Variants in KALRN observed in about 807,000 individuals in gnomAD.
The protein encoded by KALRN is kalirin RhoGEF kinase.
Under a neutral mutation model 353.7 loss-of-function variants are expected in KALRN, and 70 were observed. That is an observed-to-expected ratio of 0.20 (90% CI 0.16 to 0.24). The LOEUF is 0.24. KALRN is among the 10% of genes least tolerant of loss of function. KALRN has a pLI of 1.00. For missense variants in KALRN, 2,791 were observed against 3,756.7 expected (o/e 0.74, Z 6.72); for synonymous variants, 1,391 against 1,434.8 (o/e 0.97, Z 0.69).
At chr3:124,532,761 A>G (rs530317061) in intron 33 of KALRN, among the ~76,000 whole-genome samples, 2 of 152,238 alleles carry the variant, frequency 1.3e-5, no homozygotes, top group South Asian at 2.1e-4. Flanking sequence ...AGATCCCACC[A>G]CTGCACTCCA....
chr3:124,651,944 T>A (rs333307), intron 38 of KALRN, among the ~76,000 whole-genome samples: 30,972 of 152,128 alleles, frequency 0.2, 3,315 homozygotes, highest in Middle Eastern at 0.31. Context: ...GGCCAACTTT[T>A]GTTTTCTTGT....
chr3:124,621,048 T>C (rs1451131356), intron 34 of KALRN, among the ~76,000 whole-genome samples: 1 of 152,228 alleles, frequency 6.6e-6, no homozygotes, highest in Non-Finnish European at 1.5e-5. Flanking sequence ...TGCTGACTTT[T>C]GAGTCTTTGG....
rs922194622 is a variant in KALRN, at chr3:124,312,084, G to C, written c.1092+13171G>C. ...TGTTCTAAAATTGATTGTGATGTTG[G>C]TTGTACATATCTATATACTAAATAC... is the stretch of plus-strand genomic sequence containing the variant. On this transcript the variant is annotated intron_variant, in intron 6 of 59. Transcript: ENST00000682506. Among the ~76,000 whole-genome samples the C allele has an allele frequency of 5.9e-5, 9 of 152,142 alleles. No individual in the cohort carries two copies. The East Asian group carries it at 9.6e-4, about 16-fold the overall frequency.
intron 34 of KALRN, among the ~76,000 whole-genome samples, chr3:124,600,261 A>G (rs1255528052): frequency 1.3e-5 from 2 of 152,230 alleles, no homozygotes; most frequent in Non-Finnish European, 2.9e-5. Context: ...TAACATACCA[A>G]TGGCATAACT....
At chr3:124,250,578 A>C (rs4678100) in intron 3 of KALRN, among the ~76,000 whole-genome samples, 10,611 of 152,284 alleles carry the variant, frequency 0.07, 400 homozygotes, top group Middle Eastern at 0.095. Flanking sequence ...TAGACAGGTC[A>C]CAGTCTTTGT....
rs1466357585 is a variant in KALRN at position 124,719,029 on chromosome 3, G to C, written c.8520G>C (p.Leu2840=). The C allele has an allele frequency of 6.2e-7, 1 of 1,614,164 alleles. No individual in the cohort carries two copies. Among genetic ancestry groups the C allele is most frequent in the East Asian group, 2.2e-5 (1 of 44,876 alleles). The change falls in exon 60 of 60, where the codon CTG becomes CTC. Residue 2840 remains leucine (L), a synonymous_variant. Coordinates refer to ENST00000682506, the MANE Select transcript of KALRN (RefSeq NM_001388419.1). This position sits in a 1 kb window ranked among gnomAD's most constrained non-coding sequence, Gnocchi z 5.3. ...CGGGTCACTTCCACATTCACCACCT[G>C]CTGGGGAACCCTGAGTTTGCTGCCC... ...QISGHFHIHH[L]LGNPEFAAPE...
At chr3:124,509,614 C>T (rs2065649303) in intron 33 of KALRN, among the ~76,000 whole-genome samples, 1 of 152,150 alleles carries the variant, frequency 6.6e-6, no homozygotes, top group Non-Finnish European at 1.5e-5. Context: ...CTTAAGTATG[C>T]CTCTATTTTA....
intron 5 of KALRN, among the ~76,000 whole-genome samples, chr3:124,286,135 CTTTCCTTT>C: frequency 8.4e-6 from 1 of 119,544 alleles, no homozygotes; most frequent in East Asian, 2.4e-4. Context: ...TTCTTTCTTT[CTTTCCTTT>C]CTTTCTTTCC....
intron 1 of KALRN, among the ~76,000 whole-genome samples, chr3:124,188,809 G>A (rs1181685855): frequency 3.3e-5 from 5 of 152,290 alleles, no homozygotes; most frequent in African/African-American, 1.2e-4. Flanking sequence ...ATGACTCACA[G>A]CAAAGCAGGC....
Position 124,694,342 on chromosome 3 carries a change from A to T in KALRN, c.7416A>T (p.Glu2472Asp). 6.2e-7 allele frequency: 1 copy of T among 1,613,978 alleles called. No individual in the cohort carries two copies. The highest frequency in any genetic ancestry group is 8.5e-7 in the Non-Finnish European group (1 of 1,179,880). ...TTGATTTGATCACAGTGGCCCCAGAATTCCTTGTGCCCTTGGTGGATGTGA... is the reference window on the plus strand; with the variant it reads ...TTGATTTGATCACAGTGGCCCCAGATTTCCTTGTGCCCTTGGTGGATGTGA... The part of the protein sequence containing the change: ...NPNFIQEVAP[E>D]FLVPLVDVTC... The change falls in exon 53 of 60, where the codon GAA becomes GAT. Residue 2472 changes from glutamate (E) to aspartate (D), a missense_variant. Glu to Asp is a conservative substitution (Grantham distance 45). Around this residue, in one of 11 missense-constraint regions of KALRN, gnomAD observed 1,065 missense variants for 1,156.4 expected, o/e 0.92. Coordinates refer to ENST00000682506, the MANE Select transcript of KALRN (RefSeq NM_001388419.1).
chr3:124,343,844 C>A (rs2082010774), intron 9 of KALRN, among the ~76,000 whole-genome samples: 1 of 152,204 alleles, frequency 6.6e-6, no homozygotes, highest in Admixed American at 6.5e-5. Context: ...CAGGCCATGC[C>A]TGCCTTGTTT....
chr3:124,254,911 C>T (rs576896270), intron 3 of KALRN, among the ~76,000 whole-genome samples: 42 of 152,064 alleles, frequency 2.8e-4, no homozygotes, highest in Non-Finnish European at 4.9e-4. Flanking sequence ...TCCTCAGGGC[C>T]TTTGCACAGG....
chr3:124,538,790 A>C (rs956464998), intron 33 of KALRN, among the ~76,000 whole-genome samples: 8 of 152,212 alleles, frequency 5.3e-5, no homozygotes, highest in African/African-American at 1.7e-4. Flanking sequence ...TCCACCTTGT[A>C]ATTCTGCCTG....
intron 51 of KALRN, among the ~76,000 whole-genome samples, chr3:124,680,572 A>G (rs1026570106): frequency 6.6e-6 from 1 of 152,258 alleles, no homozygotes; most frequent in African/African-American, 2.4e-5. Context: ...TCACTTAATT[A>G]GATAGACTTT....
intron 1 of KALRN, among the ~76,000 whole-genome samples, chr3:124,190,365 C>T (rs1280935000): frequency 1.3e-5 from 2 of 152,202 alleles, no homozygotes; most frequent in African/African-American, 4.8e-5. Flanking sequence ...TACCTTCCCC[C>T]TTCCCACCAT....
At chr3:124,261,046 CTT>C (rs11385774) in intron 3 of KALRN, among the ~76,000 whole-genome samples, 12 of 142,752 alleles carry the variant, frequency 8.4e-5, no homozygotes, top group Admixed American at 7.0e-5. Context: ...CTTGGGTTTT[CTT>C]TTTTTTTTTT....
chr3:124,257,522 C>T (rs1165698752), intron 3 of KALRN, among the ~76,000 whole-genome samples: 1 of 152,238 alleles, frequency 6.6e-6, no homozygotes, highest in Non-Finnish European at 1.5e-5. Context: ...GGAAATGGTA[C>T]AAGAAACAGC....
chr3:124,292,172 G>A (rs1474918432), intron 5 of KALRN, among the ~76,000 whole-genome samples: 1 of 152,176 alleles, frequency 6.6e-6, no homozygotes, highest in Non-Finnish European at 1.5e-5. Flanking sequence ...AAATTGTAAA[G>A]TGGGGAGATT....
Position 124,454,691 on chromosome 3 carries a change from G to A in KALRN, c.3553-486G>A, listed in dbSNP as rs115536662. ...AAAATGTTTTTTTTTCAAATGGATG[G>A]TTGTGCCTGTACTGAACATATACAG... On this transcript the variant is annotated intron_variant, in intron 21 of 59. Coordinates refer to ENST00000682506, the MANE Select transcript of KALRN (RefSeq NM_001388419.1). Among the ~76,000 whole-genome samples the A allele has an allele frequency of 3.2e-3, 491 of 152,072 alleles. 3 individuals carry two copies. Among genetic ancestry groups the A allele is most frequent in the African/African-American group, 0.011 (472 of 41,490 alleles).
Sources: allele counts gnomAD v4.1 joint callset (sites outside exome capture counted in the v4.1 genomes callset), GRCh38; gene constraint gnomAD v4.1.1; regional missense constraint gnomAD v4.1.1; non-coding constraint Gnocchi (gnomAD v3.1); transcripts MANE v1.5; gene names NCBI Gene and HGNC (gene_info 2026-07-23, HGNC 2026-07-21).